TBC1D2B: variants seen among roughly 807,000 people sequenced by gnomAD.
TBC1D2B encodes TBC1 domain family member 2B.
TBC1D2B carries 64 observed loss-of-function variants against 100.8 expected under a neutral mutation model. The observed-to-expected ratio is 0.64, with a 90% confidence interval of 0.52 to 0.78. TBC1D2B has a LOEUF of 0.78. Ranked by LOEUF, TBC1D2B falls within the 30% of genes least tolerant of loss-of-function variation. The pLI, the probability that TBC1D2B is intolerant of heterozygous loss-of-function variation, is 0.00. For synonymous variants in TBC1D2B, 480 were observed against 479.7 expected (o/e 1.00, Z -0.01); for missense variants, 1,052 against 1,218.4 (o/e 0.86, Z 2.03).
intron 6 of TBC1D2B, among the ~76,000 whole-genome samples, chr15:78,020,171 T>C (rs1018160235): frequency 3.3e-5 from 5 of 152,172 alleles, no homozygotes; most frequent in South Asian, 2.1e-4. Flanking sequence ...GTATGAGCTA[T>C]TGCACCTGGC....
intron 9 of TBC1D2B, among the ~76,000 whole-genome samples, chr15:78,012,356 T>C (rs2072253451): frequency 6.6e-6 from 1 of 152,186 alleles, no homozygotes; most frequent in Admixed American, 6.5e-5. Context: ...AGGCAAGACC[T>C]GTTAAAAGTT....
chr15:78,076,531 G>A (rs1174858581), intron 1 of TBC1D2B, among the ~76,000 whole-genome samples: 1 of 152,052 alleles, frequency 6.6e-6, no homozygotes, highest in Non-Finnish European at 1.5e-5. Flanking sequence ...GATGGTTTCG[G>A]CCCAGGAGTT....
Position 78,024,525 on chromosome 15 carries a change from C to T in TBC1D2B, c.1101G>A (p.Leu367=). 1 of 1,610,036 alleles carries T rather than the reference C, an allele frequency of 6.2e-7. No homozygotes were observed. The highest frequency in any genetic ancestry group is 8.5e-7 in the Non-Finnish European group (1 of 1,177,142). Residue 367 remains leucine (L), a synonymous_variant, in exon 6 of 13, where the codon CTG becomes CTA. Coordinates refer to ENST00000300584, the MANE Select transcript of TBC1D2B (RefSeq NM_144572.2). The part of the protein sequence containing the change: ...DLSSQKELVR[L]LQQTVRSSQY... ...GGGATGACCGGACTGTCTGCTGGAG[C>T]AGTCGAACAAGCTCCTGGGAGCCAA...
intron 1 of TBC1D2B, among the ~76,000 whole-genome samples, chr15:78,073,772 C>A (rs1441318353): frequency 6.6e-6 from 1 of 152,002 alleles, no homozygotes; most frequent in Non-Finnish European, 1.5e-5. Context: ...GAGTTCGAGA[C>A]CAGCCTGGCC....
chr15:78,047,236 C>A (rs2073216078), intron 2 of TBC1D2B, among the ~76,000 whole-genome samples: 1 of 150,412 alleles, frequency 6.6e-6, no homozygotes, highest in Non-Finnish European at 1.5e-5. Context: ...GTGATCACGG[C>A]TCACTGCAGC....
At position 78,030,135 on chromosome 15, in the gene TBC1D2B, T is replaced by C. The variant is rs746108639; in HGVS notation, c.719A>G (p.His240Arg). 2.6e-5 allele frequency: 42 copies of C among 1,613,492 alleles called. No individual in the cohort carries two copies. The highest frequency in any genetic ancestry group is 3.3e-5 in the Non-Finnish European group (39 of 1,179,740). Residue 240 changes from histidine to arginine, a missense_variant, in exon 4 of 13, where the codon CAT (histidine) becomes CGT (arginine). Around this residue, in one of 4 missense-constraint regions of TBC1D2B, gnomAD observed 627 missense variants for 646.1 expected, o/e 0.97. Coordinates refer to ENST00000300584, the MANE Select transcript of TBC1D2B (RefSeq NM_144572.2). Reference protein sequence around the residue: ...SMSSFRPGRGHNDSRRTVFYT... With the variant: ...SMSSFRPGRGRNDSRRTVFYT... ...AAACACAGTCCTCCGACTATCATTA[T>C]GTCCTCTCCCAGGACGGAAAGAAGA...
At chr15:78,021,003 GA>G (rs1224052580) in intron 6 of TBC1D2B, among the ~76,000 whole-genome samples, 1 of 152,172 alleles carries the variant, frequency 6.6e-6, no homozygotes, top group Non-Finnish European at 1.5e-5. Flanking sequence ...GGAACAATCC[GA>G]AAGTCCATAC....
In TBC1D2B at chr15:78,068,115, A is replaced by G. The variant is rs151293797; in HGVS notation, c.360+9178T>C. 1.1e-4 allele frequency among the ~76,000 whole-genome samples: 16 copies of G among 152,302 alleles called. No homozygotes were observed. In the East Asian group the frequency reaches 2.7e-3, roughly 26 times the overall value. ...GAATCAAAAAACTTGCAGACATGTG[A>G]TATTTATCTCAGTGCTGAATACTAC... On this transcript the variant is annotated intron_variant, in intron 1 of 12. Coordinates refer to ENST00000300584, the MANE Select transcript of TBC1D2B (RefSeq NM_144572.2).
At chr15:78,037,785 G>A (rs912522501) in intron 3 of TBC1D2B, among the ~76,000 whole-genome samples, 3 of 152,194 alleles carry the variant, frequency 2.0e-5, no homozygotes, top group Non-Finnish European at 4.4e-5. Flanking sequence ...AGTATTAGAA[G>A]AGAAAATACT....
chr15:78,011,623 A>G (rs1001174878), intron 9 of TBC1D2B, among the ~76,000 whole-genome samples: 1 of 140,242 alleles, frequency 7.1e-6, no homozygotes, highest in African/African-American at 2.7e-5. Flanking sequence ...GGCACATGCC[A>G]CCATGCCCAG....
intron 4 of TBC1D2B, among the ~76,000 whole-genome samples, chr15:78,028,426 G>A (rs774881379): frequency 5.9e-4 from 90 of 152,326 alleles, no homozygotes; most frequent in African/African-American, 2.1e-3. Flanking sequence ...AGCCGAGATC[G>A]CGCCACTGCA....
chr15:78,015,155 T>G (rs1436415576), intron 8 of TBC1D2B, among the ~76,000 whole-genome samples: 1 of 151,966 alleles, frequency 6.6e-6, no homozygotes, highest in Non-Finnish European at 1.5e-5. Context: ...GAGCTAAGAT[T>G]GTGCCACTGT....
chr15:78,009,907 A>G (rs28579273), intron 9 of TBC1D2B, among the ~76,000 whole-genome samples: 7,669 of 151,022 alleles, frequency 0.051, 396 homozygotes, highest in African/African-American at 0.12. Flanking sequence ...CCCGGGAGGC[A>G]GAGCTTGCAG....
At chr15:78,001,247 C>T (rs1469902987) in intron 12 of TBC1D2B, among the ~76,000 whole-genome samples, 9 of 152,320 alleles carry the variant, frequency 5.9e-5, no homozygotes, top group East Asian at 5.8e-4. Context: ...TCAAACGATG[C>T]GCAACAGTGT....
intron 2 of TBC1D2B, among the ~76,000 whole-genome samples, chr15:78,051,730 T>C (rs2073317984): frequency 6.6e-6 from 1 of 152,224 alleles, no homozygotes. Context: ...TAGGCTAAGC[T>C]GAGCAGATAA....
At chr15:78,027,914 C>T (rs775241726) in intron 4 of TBC1D2B, among the ~76,000 whole-genome samples, 1 of 152,116 alleles carries the variant, frequency 6.6e-6, no homozygotes, top group Non-Finnish European at 1.5e-5. Context: ...ACATTCTACA[C>T]CATGTCACAC....
rs547250845 is a variant in TBC1D2B, at chr15:78,071,737, A to G, written c.360+5556T>C. Among the ~76,000 whole-genome samples, 4 of 152,328 alleles carry G rather than the reference A, an allele frequency of 2.6e-5. No individual in the cohort carries two copies. In the East Asian group the frequency reaches 7.7e-4, roughly 29 times the overall value. On this transcript the variant is annotated intron_variant, in intron 1 of 12. Transcript: ENST00000300584. ...TTCTAAAGGGTCAGGGCTCACACCA[A>G]AACCAGTGCTTACTGGGTGACCATT...
At chr15:78,009,194 A>G in intron 9 of TBC1D2B, 80 bp from the exon 10 acceptor site, 1 of 1,037,502 alleles carries the variant, frequency 9.6e-7, no homozygotes, top group Non-Finnish European at 1.4e-6. Flanking sequence ...CATCTGCTTT[A>G]AGCCACTTTT....
At chr15:78,015,872 G>A (rs1303834221) in intron 8 of TBC1D2B, among the ~76,000 whole-genome samples, 3 of 152,160 alleles carry the variant, frequency 2.0e-5, no homozygotes, top group African/African-American at 7.2e-5. Flanking sequence ...ATGCAGGCTG[G>A]TGCTGTAAGC....
Sources: allele counts gnomAD v4.1 joint callset (sites outside exome capture counted in the v4.1 genomes callset), GRCh38; gene constraint gnomAD v4.1.1; regional missense constraint gnomAD v4.1.1; transcripts MANE v1.5; gene names NCBI Gene and HGNC (gene_info 2026-07-23, HGNC 2026-07-21).